KCNH3: variants seen among roughly 807,000 people sequenced by gnomAD.
KCNH3 encodes potassium voltage-gated channel subfamily H member 3, also known as voltage-gated inwardly rectifying potassium channel KCNH3.
Under a neutral mutation model 95.6 loss-of-function variants are expected in KCNH3, and 36 were observed. The observed-to-expected ratio is 0.38, with a 90% CI of 0.29 to 0.50. KCNH3 has a LOEUF of 0.50. Ranked by LOEUF, KCNH3 falls within the 20% of genes least tolerant of loss-of-function variation. The pLI is 0.95. For synonymous variants in KCNH3, 620 were observed against 646.3 expected (o/e 0.96, Z 0.62); for missense variants, 1,030 against 1,484.1 (o/e 0.69, Z 5.03).
chr12:49,543,337 C>G lies in KCNH3; in HGVS notation c.642C>G (p.Pro214=), dbSNP rs1172339710. Reference sequence around the variant, plus strand: ...AAGTAGCCGCCATCCGGAAGTCGCCCTTCATCCTGTTGCACTGTGGGGCAC... The same window carrying G: ...AAGTAGCCGCCATCCGGAAGTCGCCGTTCATCCTGTTGCACTGTGGGGCAC... The part of the protein sequence containing the change: ...EYKVAAIRKS[P]FILLHCGALR... Residue 214 remains proline (P), a synonymous_variant, in exon 5 of 15, where the codon CCC becomes CCG. Transcript: ENST00000257981. 1 of 1,613,838 alleles carries G rather than the reference C, an allele frequency of 6.2e-7. No individual in the cohort carries two copies. Among genetic ancestry groups the G allele is most frequent in the South Asian group, 1.1e-5 (1 of 91,086 alleles).
intron 7 of KCNH3, among the ~76,000 whole-genome samples, chr12:49,545,950 C>A (rs1422951066): frequency 6.6e-6 from 1 of 152,052 alleles, no homozygotes; most frequent in African/African-American, 2.4e-5. Flanking sequence ...CCAGAGGAAG[C>A]CTGTGGTGTC....
In KCNH3 at chr12:49,556,350, C is replaced by T; in HGVS notation, c.2469-20C>T. On this transcript the variant is annotated intron_variant, in intron 12 of 14. Coordinates refer to ENST00000257981, the MANE Select transcript of KCNH3 (RefSeq NM_012284.3). ...GGCTGCCTGTCCATTGATTTGTTGT[C>T]CTGGTACCTGGGTTCACAGGGTAGT... 1.3e-6 allele frequency: 2 copies of T among 1,578,190 alleles called. No homozygotes were observed. The highest frequency in any genetic ancestry group is 4.5e-5 in the East Asian group (2 of 44,404).
chr12:49,555,587 C>G, intron 11 of KCNH3, 33 bp from the exon 12 acceptor site: 1 of 1,396,828 alleles, frequency 7.2e-7, no homozygotes, highest in Non-Finnish European at 9.8e-7. Flanking sequence ...TAGTGACCAT[C>G]CATGCCGATT....
Position 49,557,464 on chromosome 12 carries a change from A to T in KCNH3, c.2763A>T (p.Ala921=). ...ACAGGGAGGGTCCGTGCCCTCGGGC[A>T]TCGGGAGAGGGGCCGTGCCCAGCCA... ...APHREGPCPR[A]SGEGPCPAST... Residue 921 remains alanine, a synonymous_variant, in exon 15 of 15, where the codon GCA becomes GCT. Transcript: ENST00000257981. 6.2e-7 allele frequency: 1 copy of T among 1,611,268 alleles called. No individual in the cohort carries two copies. Among genetic ancestry groups the T allele is most frequent in the Non-Finnish European group, 8.5e-7 (1 of 1,179,210 alleles).
Position 49,544,526 on chromosome 12 carries a change from T to C in KCNH3, c.1189+144T>C, listed in dbSNP as rs1592500588. The C allele has an allele frequency of 1.1e-5, 9 of 798,382 alleles. No homozygotes were observed. The East Asian group carries it at 2.1e-4, about 19-fold the overall frequency. The allele number at this position is 798,382 out of a possible 1,614,324, so 49.5% of individuals were successfully genotyped here. The stretch of plus-strand genomic sequence containing the variant: ...AGAGAAGAGGGTGTGCAGGTGTGAG[T>C]GTGACAGCCACCACCACGTGACGGG... On this transcript the variant is annotated intron_variant, in intron 7 of 14. Coordinates refer to ENST00000257981, the MANE Select transcript of KCNH3 (RefSeq NM_012284.3).
intron 4 of KCNH3, 96 bp from the exon 5 acceptor site, chr12:49,543,179 A>G: frequency 7.5e-7 from 1 of 1,332,178 alleles, no homozygotes; most frequent in South Asian, 1.3e-5. Context: ...TAATGCAGGG[A>G]TAGAAAGGAG....
chr12:49,557,817 C>T lies in KCNH3; in HGVS notation c.3116C>T (p.Thr1039Ile), dbSNP rs1938530511. 6.2e-7 allele frequency: 1 copy of T among 1,604,888 alleles called. No individual in the cohort carries two copies. Among genetic ancestry groups the T allele is most frequent in the Non-Finnish European group, 8.5e-7 (1 of 1,174,098 alleles). ...GAGCCTGTGAGCCAGGCTGAGGCTA[C>T]CAGCACTGGAGAGCCCCCACCAGGG... ...PAEPVSQAEA[T>I]STGEPPPGSG... Residue 1039 changes from threonine to isoleucine, a missense_variant, in exon 15 of 15, where the codon ACC becomes ATC. Coordinates refer to ENST00000257981, the MANE Select transcript of KCNH3 (RefSeq NM_012284.3).
In KCNH3 at chr12:49,557,460, G is replaced by C. The variant is rs758173591; in HGVS notation, c.2759G>C (p.Arg920Pro). Residue 920 changes from arginine (R) to proline (P), a missense_variant, in exon 15 of 15, where the codon CGG becomes CCG. By Grantham distance (103) the Arg-to-Pro change is moderately radical. This residue lies in a region of KCNH3 where 464 missense variants were observed against 493.2 expected (regional missense o/e 0.94). Transcript: ENST00000257981. ...LAPHREGPCP[R>P]ASGEGPCPAS... ...CCCCACAGGGAGGGTCCGTGCCCTC[G>C]GGCATCGGGAGAGGGGCCGTGCCCA... The C allele has an allele frequency of 2.5e-6, 4 of 1,610,704 alleles. No individual in the cohort carries two copies. The highest frequency in any genetic ancestry group is 3.4e-6 in the Non-Finnish European group (4 of 1,178,972).
At chr12:49,548,195 C>T (rs775741800) in intron 7 of KCNH3, among the ~76,000 whole-genome samples, 7 of 152,088 alleles carry the variant, frequency 4.6e-5, no homozygotes, top group Non-Finnish European at 8.8e-5. Context: ...TGTGTCTTCA[C>T]CCTCTGCCTG....
intron 1 of KCNH3, among the ~76,000 whole-genome samples, chr12:49,540,672 C>T (rs964691044): frequency 1.3e-5 from 2 of 152,252 alleles, no homozygotes; most frequent in Admixed American, 6.5e-5. Context: ...CATTCACCGA[C>T]CTCAGTTCAC....
chr12:49,556,836 C>T, intron 13 of KCNH3: 2 of 638,914 alleles, frequency 3.1e-6, no homozygotes, highest in South Asian at 3.1e-5. Context: ...GGATAGAGGG[C>T]TGGGGATCCA....
chr12:49,544,416 G>A, intron 7 of KCNH3, 34 bp downstream of exon 7: 6 of 1,604,586 alleles, frequency 3.7e-6, no homozygotes, highest in Non-Finnish European at 5.1e-6. Context: ...TGGTGGGGAG[G>A]GAGTTGTGTC....
intron 7 of KCNH3, among the ~76,000 whole-genome samples, chr12:49,546,784 CCT>C (rs1938077265): frequency 6.6e-6 from 1 of 152,232 alleles, no homozygotes; most frequent in Admixed American, 6.5e-5. Context: ...GCCACCCTCC[CCT>C]GTGTCCTGCT....
chr12:49,555,564 G>A, intron 11 of KCNH3, 56 bp from the exon 12 acceptor site: 2 of 1,138,246 alleles, frequency 1.8e-6, no homozygotes, highest in Non-Finnish European at 2.5e-6. Context: ...TAGGGGAGGT[G>A]AGTGGGACAC....
rs888741672 is a variant in KCNH3, at chr12:49,541,745, C to G, written c.426C>G (p.Pro142=). 1 of 1,614,136 alleles carries G rather than the reference C, an allele frequency of 6.2e-7. No homozygotes were observed. The highest frequency in any genetic ancestry group is 8.5e-7 in the Non-Finnish European group (1 of 1,180,028). The change falls in exon 3 of 15, where the codon CCC becomes CCG. Residue 142 remains proline (P), a synonymous_variant. Transcript: ENST00000257981. Reference sequence around the variant, plus strand: ...GCGAAACCAAGAACCGAGGGGGCCCCGACAGATGGAAGGAGACAGGTAGGT... The same window carrying G: ...GCGAAACCAAGAACCGAGGGGGCCCGGACAGATGGAAGGAGACAGGTAGGT... ...DISETKNRGG[P]DRWKETGGGR...
intron 7 of KCNH3, among the ~76,000 whole-genome samples, chr12:49,545,732 G>A (rs1024554670): frequency 6.6e-6 from 1 of 152,020 alleles, no homozygotes; most frequent in Non-Finnish European, 1.5e-5. Context: ...AGAGTCACCA[G>A]GTGTCCAGAT....
chr12:49,544,577 T>G (rs1937996637), intron 7 of KCNH3, among the ~76,000 whole-genome samples, 195 bp downstream of exon 7: 2 of 152,180 alleles, frequency 1.3e-5, no homozygotes, highest in South Asian at 4.1e-4. Flanking sequence ...CTGGGCCTTG[T>G]GGAGAAAGCC....
intron 2 of KCNH3, 112 bp downstream of exon 2, chr12:49,541,244 G>C (rs12311527): frequency 0.2 from 163,738 of 800,118 alleles, 22,403 homozygotes; most frequent in African/African-American, 0.58. Context: ...ATCTCCCCAT[G>C]TCATCCCATC....
In KCNH3 at chr12:49,557,180, C is replaced by G. The variant is rs769422963; in HGVS notation, c.2576-3C>G. 8 of 1,613,918 alleles carry G rather than the reference C, an allele frequency of 5.0e-6. No individual in the cohort carries two copies. Among genetic ancestry groups the G allele is most frequent in the Non-Finnish European group, 6.8e-6 (8 of 1,179,986 alleles). On this transcript the variant is annotated splice_region_variant and splice_polypyrimidine_tract_variant and intron_variant, in intron 13 of 14. Transcript: ENST00000257981. ...GCTGATAACCCCATCCTACTACCCACAGAGAGCGGCCTGCTCACTGTTCCC... is the reference window on the plus strand; with the variant it reads ...GCTGATAACCCCATCCTACTACCCAGAGAGAGCGGCCTGCTCACTGTTCCC...
Sources: allele counts gnomAD v4.1 joint callset (sites outside exome capture counted in the v4.1 genomes callset), GRCh38; gene constraint gnomAD v4.1.1; regional missense constraint gnomAD v4.1.1; transcripts MANE v1.5; gene names NCBI Gene and HGNC (gene_info 2026-07-23, HGNC 2026-07-21).